ABHD11: variants seen among roughly 807,000 people sequenced by gnomAD.
The protein encoded by ABHD11 is sn-1-specific diacylglycerol lipase ABHD11.
ABHD11 carries 26 observed loss-of-function variants against 29.0 expected under a neutral mutation model. That is an observed-to-expected ratio of 0.90 (90% CI 0.66 to 1.24). The LOEUF is 1.24. ABHD11 is among the 50% of genes most tolerant of loss of function. ABHD11 has a pLI of 0.00. For missense variants in ABHD11, 381 were observed against 422.4 expected (o/e 0.90, Z 0.86); for synonymous variants, 169 against 166.4 (o/e 1.02, Z -0.12).
Position 73,737,238 on chromosome 7 carries a change from G to A in ABHD11, c.589C>T (p.Leu197Phe), listed in dbSNP as rs1477106159. ...TGTATCACCTGGATGACAGAACTGAGCTGTTCATCCGCCAGTTTTCGGGCA... is the reference window on the plus strand; with the variant it reads ...TGTATCACCTGGATGACAGAACTGAACTGTTCATCCGCCAGTTTTCGGGCA... The part of the protein sequence containing the change: ...SRARKLADEQ[L>F]SSVIQDMAVR... Residue 197 changes from leucine (L) to phenylalanine (F), a missense_variant, in exon 4 of 6, where the codon CTC becomes TTC. Physicochemically the swap from Leu to Phe is conservative, Grantham distance 22. Transcript: ENST00000222800. The A allele has an allele frequency of 3.7e-6, 6 of 1,613,986 alleles. No homozygotes were observed. The Admixed American group carries it at 6.7e-5, about 18-fold the overall frequency.
chr7:73,738,248 ACC>A (rs3834864), intron 2 of ABHD11, 78 bp downstream of exon 2: 14 of 1,221,956 alleles, frequency 1.1e-5, no homozygotes, highest in East Asian at 3.0e-5. Flanking sequence ...GAGAAGCGGG[ACC>A]CCCCCTGCCC....
Position 73,736,553 on chromosome 7 carries a change from C to T in ABHD11, c.*6G>A. 5 of 1,613,582 alleles carry T rather than the reference C, an allele frequency of 3.1e-6. No homozygotes were observed. Among genetic ancestry groups the T allele is most frequent in the Non-Finnish European group, 3.4e-6 (4 of 1,179,916 alleles). On this transcript the variant is annotated 3_prime_UTR_variant, in exon 6 of 6. Coordinates refer to ENST00000222800, the MANE Select transcript of ABHD11 (RefSeq NM_148912.4). ...CCACGCCCGGCCATCTTCTTGCCAG[C>T]AACTCTTAGACCAGGAAGCCTCGGA...
In ABHD11 at chr7:73,736,373, G is replaced by T. The variant is rs894933052; in HGVS notation, c.*186C>A. 2.1e-4 allele frequency: 145 copies of T among 696,502 alleles called. 1 individual carries two copies. Among genetic ancestry groups the T allele is most frequent in the Non-Finnish European group, 3.3e-4 (140 of 429,782 alleles). The allele number at this position is 696,502 out of a possible 1,614,324, so 43.1% of individuals were successfully genotyped here. A position where few individuals can be genotyped will look rare whatever the true frequency, so the allele number is the denominator to read the frequency against. The stretch of plus-strand genomic sequence containing the variant: ...TCCTGCCTCAGCCTCCAGAGTAGCT[G>T]GGATTACAGGTGTGCACCACCACGC... On this transcript the variant is annotated 3_prime_UTR_variant, in exon 6 of 6. Coordinates refer to ENST00000222800, the MANE Select transcript of ABHD11 (RefSeq NM_148912.4).
chr7:73,738,615 G>T, intron 1 of ABHD11, 31 bp downstream of exon 1: 1 of 1,580,172 alleles, frequency 6.3e-7, no homozygotes, highest in South Asian at 1.1e-5. Context: ...GAGGACAGAG[G>T]ATGGCCTCCC....
At chr7:73,738,283 A>AC in intron 2 of ABHD11, 45 bp downstream of exon 2, 1 of 794,002 alleles carries the variant, frequency 1.3e-6, no homozygotes, top group Non-Finnish European at 1.9e-6. Flanking sequence ...GGCCCCGCCC[A>AC]CTCCCGCCCA....
chr7:73,738,523 G>A lies in ABHD11; in HGVS notation c.126-60C>T, dbSNP rs577615985. 90 of 1,578,332 alleles carry A rather than the reference G, an allele frequency of 5.7e-5. No individual in the cohort carries two copies. In the Middle Eastern group the frequency reaches 1.1e-3, roughly 19 times the overall value. On this transcript the variant is annotated intron_variant, in intron 1 of 5. Coordinates refer to ENST00000222800, the MANE Select transcript of ABHD11 (RefSeq NM_148912.4). ...CGGCGGAGACGGGGAAAGGGGTAGG[G>A]GGAAAGAGCTTTGGGGGAGAGGCCT...
Position 73,737,755 on chromosome 7 carries a change from G to A in ABHD11, c.262-20C>T, listed in dbSNP as rs1563599946. 6 of 1,597,176 alleles carry A rather than the reference G, an allele frequency of 3.8e-6. No homozygotes were observed. Among genetic ancestry groups the A allele is most frequent in the Middle Eastern group, 3.4e-4 (2 of 5,970 alleles). Reference sequence around the variant, plus strand: ...CAGCACCTGGGGAGTGGGGTGAGACGGGGCTGCGTTGATATCCCCATTCTG... The same window carrying A: ...CAGCACCTGGGGAGTGGGGTGAGACAGGGCTGCGTTGATATCCCCATTCTG... On this transcript the variant is annotated intron_variant, in intron 2 of 5. Coordinates refer to ENST00000222800, the MANE Select transcript of ABHD11 (RefSeq NM_148912.4).
At position 73,736,619 on chromosome 7, in the gene ABHD11, G is replaced by A. The variant is rs1408915463; in HGVS notation, c.861C>T (p.His287=). 6.8e-6 allele frequency: 11 copies of A among 1,614,048 alleles called. 1 individual carries two copies. The South Asian group carries it at 1.1e-4, about 16-fold the overall frequency. The change falls in exon 6 of 6, where the codon CAC becomes CAT. Residue 287 remains histidine (H), a synonymous_variant. Transcript: ENST00000222800. ...CCTGTGGGCGGTCAGCGTGGATCCA[G>A]TGGCCAGCGTTCGGCACCGTCTGCA... is the stretch of plus-strand genomic sequence containing the variant. ...AQMQTVPNAG[H]WIHADRPQDF... is the part of the protein sequence containing the mutation.
rs1554622055 is a variant in ABHD11 at position 73,737,048 on chromosome 7, C to G, written c.669G>C (p.Trp223Cys). Residue 223 changes from tryptophan to cysteine, a missense_variant, in exon 5 of 6, where the codon TGG becomes TGC. Physicochemically the swap from Trp to Cys is radical, Grantham distance 215. Transcript: ENST00000222800. Reference sequence around the variant, plus strand: ...GGGTCAGGGCATCCAAGTTCACCCTCCACACGAAGCGCCCGTCTACCTCTA... The same window carrying G: ...GGGTCAGGGCATCCAAGTTCACCCTGCACACGAAGCGCCCGTCTACCTCTA... ...NLVEVDGRFV[W>C]RVNLDALTQH... 1.9e-6 allele frequency: 3 copies of G among 1,614,156 alleles called. No homozygotes were observed. The South Asian group carries it at 3.3e-5, about 18-fold the overall frequency.
rs1429696425 is a variant in ABHD11 at position 73,736,240 on chromosome 7, T to C, written c.*319A>G. The C allele has an allele frequency of 2.1e-6, 1 of 472,194 alleles. No homozygotes were observed. The highest frequency in any genetic ancestry group is 2.0e-5 in the African/African-American group (1 of 50,692). 29.3% of individuals were successfully genotyped at this position (472,194 alleles called of 1,614,324 possible). A position where few individuals can be genotyped will look rare whatever the true frequency, so the allele number is the denominator to read the frequency against. ...TGAAGCCTGGGGTTTTGTGCCTCCT[T>C]TTTGTTTTGTTTTTTTTGAGACAGA... On this transcript the variant is annotated 3_prime_UTR_variant, in exon 6 of 6. Transcript: ENST00000222800.
chr7:73,738,402 A>G lies in ABHD11; in HGVS notation c.187T>C (p.Leu63=). ...GTTTTGCTGCCGAAGAGCCCGTGCA[A>G]AAAGACGACGGCCGGGAGGGCTGCC... ...GEAALPAVVF[L]HGLFGSKTNF... is the part of the protein sequence containing the mutation. The change falls in exon 2 of 6, where the codon TTG becomes CTG. Residue 63 remains leucine, a synonymous_variant. Transcript: ENST00000222800. 6.2e-7 allele frequency: 1 copy of G among 1,612,916 alleles called. No individual in the cohort carries two copies. Among genetic ancestry groups the G allele is most frequent in the Non-Finnish European group, 8.5e-7 (1 of 1,179,528 alleles).
At chr7:73,738,038 G>A in intron 2 of ABHD11, 1 of 742,840 alleles carries the variant, frequency 1.3e-6, no homozygotes, top group Non-Finnish European at 2.4e-6. Flanking sequence ...CAGAAGAATG[G>A]GCTGCCATAA....
At chr7:73,738,256 TGC>T (rs1491386822) in intron 2 of ABHD11, 70 bp downstream of exon 2, 1 of 1,216,692 alleles carries the variant, frequency 8.2e-7, no homozygotes. Flanking sequence ...GGACCCCCCC[TGC>T]CCCGCCTCCT....
chr7:73,738,590 G>A, intron 1 of ABHD11, 56 bp downstream of exon 1: 2 of 1,567,890 alleles, frequency 1.3e-6, no homozygotes, highest in East Asian at 2.3e-5. Context: ...GGCCGTCGGG[G>A]CCCGGCAGGA....
rs782596053 is a variant in ABHD11 at position 73,736,736 on chromosome 7, TGAG to T, written c.789-48_789-46del. On this transcript the variant is annotated intron_variant, in intron 5 of 5. Transcript: ENST00000222800. Reference sequence around the variant, plus strand: ...CCATCAAAAACGGGTGAAAGTGGGATGAGGAGGAGTGAAAGAGACACGTGGAAG... The same window carrying T: ...CCATCAAAAACGGGTGAAAGTGGGATGAGGAGTGAAAGAGACACGTGGAAG... 1.5e-5 allele frequency: 24 copies of T among 1,611,160 alleles called. No individual in the cohort carries two copies. In the South Asian group the frequency reaches 2.2e-4, roughly 15 times the overall value.
rs782232234 is a variant in ABHD11, at chr7:73,737,315, T to C, written c.512A>G (p.Tyr171Cys). Reference sequence around the variant, plus strand: ...GTTGATGGCCCTCATGGCTGCCACATAGGTTGCAAAGTGGGAGACACCTGT... The same window carrying C: ...GTTGATGGCCCTCATGGCTGCCACACAGGTTGCAAAGTGGGAGACACCTGT... ...ESTGVSHFAT[Y>C]VAAMRAINIA... The change falls in exon 4 of 6, where the codon TAT becomes TGT. Residue 171 changes from tyrosine (Y) to cysteine (C), a missense_variant. Tyr to Cys is a radical substitution (Grantham distance 194). Coordinates refer to ENST00000222800, the MANE Select transcript of ABHD11 (RefSeq NM_148912.4). The C allele has an allele frequency of 1.9e-6, 3 of 1,614,062 alleles. No homozygotes were observed. Among genetic ancestry groups the C allele is most frequent in the South Asian group, 1.1e-5 (1 of 91,088 alleles).
Position 73,736,633 on chromosome 7 carries a change from G to A in ABHD11, c.847C>T (p.Pro283Ser), listed in dbSNP as rs781831766. Residue 283 changes from proline to serine, a missense_variant, in exon 6 of 6, where the codon CCG becomes TCG. Physicochemically the swap from Pro to Ser is moderately conservative, Grantham distance 74 (BLOSUM62 -1). Transcript: ENST00000222800. Reference sequence around the variant, plus strand: ...GCGTGGATCCAGTGGCCAGCGTTCGGCACCGTCTGCATCTGGGCCCGAGGG... The same window carrying A: ...GCGTGGATCCAGTGGCCAGCGTTCGACACCGTCTGCATCTGGGCCCGAGGG... ...LFPRAQMQTV[P>S]NAGHWIHADR... 25 of 1,614,080 alleles carry A rather than the reference G, an allele frequency of 1.5e-5. 1 individual carries two copies. Among genetic ancestry groups the A allele is most frequent in the Admixed American group, 1.5e-4 (9 of 60,020 alleles).
At position 73,737,243 on chromosome 7, in the gene ABHD11, T is replaced by C. The variant is rs782418135; in HGVS notation, c.584A>G (p.Glu195Gly). The change falls in exon 4 of 6, where the codon GAA becomes GGA. Residue 195 changes from glutamate (E) to glycine (G), a missense_variant. Transcript: ENST00000222800. Reference protein sequence around the residue: ...PRSRARKLADEQLSSVIQDMA... With the variant: ...PRSRARKLADGQLSSVIQDMA... ...CACCTGGATGACAGAACTGAGCTGT[T>C]CATCCGCCAGTTTTCGGGCACGGGA... The C allele has an allele frequency of 1.2e-6, 2 of 1,614,116 alleles. No homozygotes were observed. The highest frequency in any genetic ancestry group is 1.7e-6 in the Non-Finnish European group (2 of 1,180,030).
In ABHD11 at chr7:73,736,620, T is replaced by C. The variant is rs1176994307; in HGVS notation, c.860A>G (p.His287Arg). The change falls in exon 6 of 6, where the codon CAC (histidine) becomes CGC (arginine). Residue 287 changes from histidine to arginine, a missense_variant. Transcript: ENST00000222800. ...CTGTGGGCGGTCAGCGTGGATCCAG[T>C]GGCCAGCGTTCGGCACCGTCTGCAT... ...AQMQTVPNAG[H>R]WIHADRPQDF... The C allele has an allele frequency of 6.2e-7, 1 of 1,613,858 alleles. No individual in the cohort carries two copies. The highest frequency in any genetic ancestry group is 8.5e-7 in the Non-Finnish European group (1 of 1,180,016).
Sources: gnomAD v4.1 joint callset for allele counts on GRCh38, gnomAD v4.1.1 for gene constraint, MANE v1.5 for transcripts, NCBI Gene and HGNC (gene_info 2026-07-23, HGNC 2026-07-21) for gene names.